Variants in MEAK7 observed in about 807,000 individuals in gnomAD.
MEAK7 encodes the protein MTOR associated protein MEAK7, also known as MTOR-associated protein MEAK7.
MEAK7 carries 68 observed loss-of-function variants against 40.5 expected under a neutral mutation model. That is an observed-to-expected ratio of 1.68 (90% CI 1.38 to 2.06). The LOEUF is 2.06. Ranked by LOEUF, MEAK7 falls within the 30% of genes most tolerant of loss-of-function variation. MEAK7 has a pLI of 0.00. For synonymous variants in MEAK7, 338 were observed against 231.9 expected (o/e 1.46, Z -4.16); for missense variants, 918 against 580.5 (o/e 1.58, Z -5.98).
At chr16:84,481,602 C>T (rs1022362708) in intron 6 of MEAK7, among the ~76,000 whole-genome samples, 1 of 152,164 alleles carries the variant, frequency 6.6e-6, no homozygotes, top group African/African-American at 2.4e-5. Context: ...CTTCTCTGCC[C>T]TCAGCTCTGC....
Position 84,489,310 on chromosome 16 carries a change from G to C in MEAK7, c.497C>G (p.Ala166Gly). 6.2e-7 allele frequency: 1 copy of C among 1,614,162 alleles called. No individual in the cohort carries two copies. Among genetic ancestry groups the C allele is most frequent in the African/African-American group, 1.3e-5 (1 of 75,058 alleles). ...PGPNPRVQVLAAQLLSDMKLQ... is the reference protein window; with the variant it reads ...PGPNPRVQVLGAQLLSDMKLQ... Reference sequence around the variant, plus strand: ...CTTCATGTCAGAGAGCAGCTGAGCAGCCAGCACCTGCACCCGGGGGTTGGG... The same window carrying C: ...CTTCATGTCAGAGAGCAGCTGAGCACCCAGCACCTGCACCCGGGGGTTGGG... The change falls in exon 4 of 8, where the codon GCT (alanine) becomes GGT (glycine). Residue 166 changes from alanine to glycine, a missense_variant. By Grantham distance (60) the Ala-to-Gly change is moderately conservative. Transcript: ENST00000343629.
intron 4 of MEAK7, 108 bp from the exon 5 acceptor site, chr16:84,487,167 G>T: frequency 8.6e-7 from 1 of 1,158,830 alleles, no homozygotes; most frequent in Non-Finnish European, 1.2e-6. Context: ...TGCAATTACT[G>T]AGCACAGAAA....
At chr16:84,494,675 A>G in intron 3 of MEAK7, 1 of 355,302 alleles carries the variant, frequency 2.8e-6, no homozygotes, top group East Asian at 8.7e-5. Context: ...CTCCCCCACT[A>G]TTTTTTCTTC....
chr16:84,481,851 G>A (rs1011804117), intron 6 of MEAK7, among the ~76,000 whole-genome samples: 12 of 152,104 alleles, frequency 7.9e-5, no homozygotes, highest in Admixed American at 3.3e-4. Context: ...GGAGAATGGC[G>A]TGAACCTGGG....
At position 84,497,792 on chromosome 16, in the gene MEAK7, A is replaced by C. The variant is rs1026321138; in HGVS notation, c.153+142T>G. ...GCTCACAAAGCCAAAACTAGGTCACATCTGGCCCTTTACAGAAAACCAACT... is the reference window on the plus strand; with the variant it reads ...GCTCACAAAGCCAAAACTAGGTCACCTCTGGCCCTTTACAGAAAACCAACT... On this transcript the variant is annotated intron_variant, in intron 2 of 7. Coordinates refer to ENST00000343629, the MANE Select transcript of MEAK7 (RefSeq NM_020947.4). 5.2e-6 allele frequency: 7 copies of C among 1,349,704 alleles called. No homozygotes were observed. The Admixed American group carries it at 1.1e-4, about 22-fold the overall frequency. 83.6% of individuals were successfully genotyped at this position (1,349,704 alleles called of 1,614,324 possible). A position where few individuals can be genotyped will look rare whatever the true frequency, so the allele number is the denominator to read the frequency against.
Position 84,478,464 on chromosome 16 carries a change from T to C in MEAK7, c.*1449A>G, listed in dbSNP as rs1949170829. The C allele has an allele frequency of 6.6e-6, 1 of 152,228 alleles. No individual in the cohort carries two copies. 9.4% of individuals were successfully genotyped at this position (152,228 alleles called of 1,614,324 possible). A position where few individuals can be genotyped will look rare whatever the true frequency, so the allele number is the denominator to read the frequency against. ...GAACAGCTCGATTTACTATGGCTTA[T>C]AATCAAGGCAAACTATACAATAAGA... On this transcript the variant is annotated 3_prime_UTR_variant, in exon 8 of 8. Coordinates refer to ENST00000343629, the MANE Select transcript of MEAK7 (RefSeq NM_020947.4).
intron 1 of MEAK7, among the ~76,000 whole-genome samples, chr16:84,500,734 G>T (rs1914428587): frequency 6.6e-6 from 1 of 152,132 alleles, no homozygotes; most frequent in Non-Finnish European, 1.5e-5. Flanking sequence ...CCAGCGGCAG[G>T]CGGCTGTCCC....
chr16:84,482,804 C>G, intron 5 of MEAK7, 94 bp from the exon 6 acceptor site: 1 of 1,548,342 alleles, frequency 6.5e-7, no homozygotes, highest in Non-Finnish European at 8.7e-7. Context: ...CAGGAAGCAA[C>G]AGGGCCAAGA....
At chr16:84,487,303 T>A (rs1439528789) in intron 4 of MEAK7, 4 of 491,290 alleles carry the variant, frequency 8.1e-6, no homozygotes, top group Non-Finnish European at 1.4e-5. Context: ...CAAAATTGTA[T>A]TTAGGACATA....
At chr16:84,498,852 C>T (rs1330411337) in intron 1 of MEAK7, among the ~76,000 whole-genome samples, 2 of 152,208 alleles carry the variant, frequency 1.3e-5, no homozygotes, top group Non-Finnish European at 2.9e-5. Context: ...TACTGCTACA[C>T]ACTAGTTGGG....
chr16:84,504,392 C>A (rs1484768698), intron 1 of MEAK7, among the ~76,000 whole-genome samples: 2 of 152,120 alleles, frequency 1.3e-5, no homozygotes, highest in African/African-American at 4.8e-5. Flanking sequence ...CCCAGGAGAC[C>A]CTCCCTCCAT....
intron 1 of MEAK7, among the ~76,000 whole-genome samples, chr16:84,500,464 TTA>T (rs1194726331): frequency 6.6e-6 from 1 of 152,208 alleles, no homozygotes; most frequent in Non-Finnish European, 1.5e-5. Context: ...TCTCCGCCTT[TTA>T]TATGACACCC....
intron 1 of MEAK7, 105 bp from the exon 2 acceptor site, chr16:84,498,216 C>G (rs146388880): frequency 1.5e-6 from 2 of 1,323,666 alleles, no homozygotes; most frequent in Middle Eastern, 2.2e-4. Context: ...GATATAGCCA[C>G]AAAATGTAGC....
intron 4 of MEAK7, 21 bp from the exon 5 acceptor site, chr16:84,487,080 G>C: frequency 6.3e-7 from 1 of 1,592,878 alleles, no homozygotes; most frequent in Non-Finnish European, 8.5e-7. Context: ...GGGATGGTCA[G>C]CATTAGTGGG....
At position 84,479,097 on chromosome 16, in the gene MEAK7, C is replaced by G. The variant is rs551854017; in HGVS notation, c.*816G>C. ...CAGCTGAGAGAGCTGGGTGTGGAAC[C>G]TTATTACAAATACCTTCTGAGGACT... On this transcript the variant is annotated 3_prime_UTR_variant, in exon 8 of 8. Coordinates refer to ENST00000343629, the MANE Select transcript of MEAK7 (RefSeq NM_020947.4). The G allele has an allele frequency of 6.6e-6, 1 of 152,356 alleles. No homozygotes were observed. The highest frequency in any genetic ancestry group is 1.5e-5 in the Non-Finnish European group (1 of 68,056). 9.4% of individuals were successfully genotyped at this position (152,356 alleles called of 1,614,324 possible). A position where few individuals can be genotyped will look rare whatever the true frequency, so the allele number is the denominator to read the frequency against.
intron 3 of MEAK7, among the ~76,000 whole-genome samples, chr16:84,489,881 T>C (rs936214729): frequency 6.6e-6 from 1 of 152,216 alleles, no homozygotes; most frequent in African/African-American, 2.4e-5. Flanking sequence ...AACTGCTTTC[T>C]GGAGTTGCAG....
At chr16:84,496,884 T>C (rs1914094784) in intron 2 of MEAK7, among the ~76,000 whole-genome samples, 2 of 152,206 alleles carry the variant, frequency 1.3e-5, no homozygotes, top group Admixed American at 6.5e-5. Context: ...AGCTGCCATT[T>C]GCATGTCGGA....
rs1034012824 is a variant in MEAK7, at chr16:84,480,521, C to A, written c.1257+8G>T. The A allele has an allele frequency of 6.2e-6, 10 of 1,602,592 alleles. No homozygotes were observed. The highest frequency in any genetic ancestry group is 8.5e-6 in the Non-Finnish European group (10 of 1,174,892). On this transcript the variant is annotated splice_region_variant and intron_variant, in intron 7 of 7. Transcript: ENST00000343629. ...CCATCCTGGGATGCAGAGGACAGCT[C>A]CACTCACCAACTGCTCCTCTGAGGG...
chr16:84,497,758 G>T lies in MEAK7; in HGVS notation c.153+176C>A, dbSNP rs1914172485. 7.7e-6 allele frequency: 10 copies of T among 1,305,816 alleles called. No individual in the cohort carries two copies. In the Admixed American group the frequency reaches 2.0e-4, roughly 26 times the overall value. The allele number at this position is 1,305,816 out of a possible 1,614,324, so 80.9% of individuals were successfully genotyped here. A position where few individuals can be genotyped will look rare whatever the true frequency, so the allele number is the denominator to read the frequency against. ...GGCAGAGCAGAGGAGCTACAACAGA[G>T]ACCGCATAGCTCACAAAGCCAAAAC... On this transcript the variant is annotated intron_variant, in intron 2 of 7. Coordinates refer to ENST00000343629, the MANE Select transcript of MEAK7 (RefSeq NM_020947.4).
Sources: allele counts gnomAD v4.1 joint callset (sites outside exome capture counted in the v4.1 genomes callset), GRCh38; gene constraint gnomAD v4.1.1; transcripts MANE v1.5; gene names NCBI Gene and HGNC (gene_info 2026-07-23, HGNC 2026-07-21).